TG: variants seen among roughly 807,000 people sequenced by gnomAD.
TG encodes the protein thyroid hormones.
A neutral mutation model predicts 324.7 loss-of-function variants in TG; 270 were observed. The ratio of observed to expected loss-of-function variants is 0.83; its 90% CI spans 0.75 to 0.92. The LOEUF is 0.92. Ranked by LOEUF, TG falls within the 40% of genes least tolerant of loss-of-function variation. The pLI is 0.00. For synonymous variants in TG, 1,401 were observed against 1,327.0 expected, an observed-to-expected ratio of 1.06 and a Z score of -1.21; for missense variants, 3,591 against 3,456.4, an observed-to-expected ratio of 1.04 and a Z score of -0.98.
At chr8:132,878,926 G>A (rs530700235) in intron 5 of TG, among the ~76,000 whole-genome samples, 7 of 152,300 alleles carry the variant, frequency 4.6e-5, no homozygotes, top group African/African-American at 1.7e-4. Flanking sequence ...TAGGGATGGA[G>A]CCTGACTCTC....
chr8:133,107,515 C>T (rs971085168), intron 43 of TG, among the ~76,000 whole-genome samples: 6 of 152,220 alleles, frequency 3.9e-5, no homozygotes, highest in Admixed American at 3.9e-4. Context: ...GGCCCCCACT[C>T]CCGCCTGCTG....
At position 132,948,790 on chromosome 8, in the gene TG, G is replaced by C; in HGVS notation, c.5248G>C (p.Gly1750Arg). The C allele has an allele frequency of 6.2e-7, 1 of 1,613,822 alleles. No individual in the cohort carries two copies. The highest frequency in any genetic ancestry group is 8.5e-7 in the Non-Finnish European group (1 of 1,180,024). Residue 1750 changes from glycine (G) to arginine (R), a missense_variant, in exon 27 of 48, where the codon GGG becomes CGG. Coordinates refer to ENST00000220616, the MANE Select transcript of TG (RefSeq NM_003235.5). ...GTGATTCTCAGGTGCCATCATCTGT[G>C]GGTTGCTGAGCTCACCCAGTGTCCT... ...TQVQGGAIIC[G>R]LLSSPSVLLC...
intron 45 of TG, among the ~76,000 whole-genome samples, chr8:133,119,122 T>G (rs1390790425): frequency 6.6e-6 from 1 of 152,150 alleles, no homozygotes; most frequent in African/African-American, 2.4e-5. Context: ...TCTTCAGAAC[T>G]ATGAGAGAAA....
chr8:133,128,903 G>A (rs949059363), intron 45 of TG, among the ~76,000 whole-genome samples: 9 of 152,204 alleles, frequency 5.9e-5, no homozygotes, highest in South Asian at 2.1e-4. Flanking sequence ...ATGAGCACAC[G>A]TGAACTGCCT....
intron 35 of TG, among the ~76,000 whole-genome samples, chr8:132,993,317 G>A (rs1772150680): frequency 6.6e-6 from 1 of 152,172 alleles, no homozygotes; most frequent in Non-Finnish European, 1.5e-5. Context: ...AGCCACATGG[G>A]ATATGAGTTT....
chr8:132,885,205 T>A (rs190556522), intron 8 of TG, among the ~76,000 whole-genome samples: 26 of 152,044 alleles, frequency 1.7e-4, no homozygotes, highest in African/African-American at 6.0e-4. Context: ...TACATCCACC[T>A]ATGTAACTGA....
Position 132,868,123 on chromosome 8 carries a change from G to A in TG, c.76G>A (p.Val26Met), listed in dbSNP as rs779477989. The change falls in exon 2 of 48, where the codon GTG (valine) becomes ATG (methionine). Residue 26 changes from valine (V) to methionine (M), a missense_variant. By Grantham distance (21) the Val-to-Met change is conservative. Transcript: ENST00000220616. ...WVSANIFEYQVDAQPLRPCEL... is the reference protein window; with the variant it reads ...WVSANIFEYQMDAQPLRPCEL... ...CACTTTTCTTTTCCTAGAGTACCAGGTGGATGCCCAGCCCCTTCGTCCCTG... is the reference window on the plus strand; with the variant it reads ...CACTTTTCTTTTCCTAGAGTACCAGATGGATGCCCAGCCCCTTCGTCCCTG... 2 of 1,614,132 alleles carry A rather than the reference G, an allele frequency of 1.2e-6. No individual in the cohort carries two copies. The highest frequency in any genetic ancestry group is 2.2e-5 in the East Asian group (1 of 44,882).
chr8:133,055,365 GCACA>G (rs869172140), intron 41 of TG, among the ~76,000 whole-genome samples: 138 of 62,264 alleles, frequency 2.2e-3, no homozygotes, highest in African/African-American at 9.0e-3. Flanking sequence ...ACGCACGCGC[GCACA>G]CACACACACA....
At chr8:132,924,272 C>T (rs1304289098) in intron 22 of TG, among the ~76,000 whole-genome samples, 2 of 152,092 alleles carry the variant, frequency 1.3e-5, no homozygotes, top group Non-Finnish European at 2.9e-5. Context: ...TGACAGGAGG[C>T]GGAGCTCAGG....
At chr8:133,130,539 T>A (rs1851860205) in intron 45 of TG, among the ~76,000 whole-genome samples, 2 of 152,272 alleles carry the variant, frequency 1.3e-5, no homozygotes, top group South Asian at 4.1e-4. Context: ...CTCTAGTGAC[T>A]GGGAATGGCC....
chr8:133,134,472 C>T (rs774329223), intron 47 of TG, among the ~76,000 whole-genome samples: 4 of 152,202 alleles, frequency 2.6e-5, no homozygotes, highest in Non-Finnish European at 2.9e-5. Context: ...CTGCTGACAA[C>T]AAATCCAAGT....
intron 41 of TG, among the ~76,000 whole-genome samples, chr8:133,069,863 G>A (rs531899246): frequency 2.0e-5 from 3 of 151,860 alleles, no homozygotes; most frequent in South Asian, 4.2e-4. Context: ...TCAGCTGGGC[G>A]TGGTGGCAGG....
intron 41 of TG, among the ~76,000 whole-genome samples, chr8:133,041,317 A>C (rs1424857482): frequency 6.6e-6 from 1 of 152,188 alleles, no homozygotes; most frequent in African/African-American, 2.4e-5. Flanking sequence ...CCAAAGAACA[A>C]AAGGAATTTG....
intron 6 of TG, 87 bp from the exon 7 acceptor site, chr8:132,882,382 G>A (rs879106120): frequency 6.7e-7 from 1 of 1,481,854 alleles, no homozygotes; most frequent in Admixed American, 1.7e-5. Flanking sequence ...GGTGAAGGCT[G>A]TCTCTCTCAG....
Position 132,882,643 on chromosome 8 carries a change from T to C in TG, c.889+31T>C, listed in dbSNP as rs762489300. ...TAATAAACTGCCAACAATGTGCGTG[T>C]TTCCATTAGGGGGACGCCTCTTGGG... On this transcript the variant is annotated intron_variant, in intron 7 of 47. Transcript: ENST00000220616. 5 of 1,614,228 alleles carry C rather than the reference T, an allele frequency of 3.1e-6. No individual in the cohort carries two copies. The South Asian group carries it at 4.4e-5, about 14-fold the overall frequency.
chr8:133,133,640 C>G lies in TG; in HGVS notation c.8168C>G (p.Ser2723Trp). 3 of 1,614,042 alleles carry G rather than the reference C, an allele frequency of 1.9e-6. No homozygotes were observed. The highest frequency in any genetic ancestry group is 1.7e-6 in the Non-Finnish European group (2 of 1,179,958). ...ADCSFWSKYI[S>W]SLKTSADGAK... Reference sequence around the variant, plus strand: ...TGCTCCTTCTGGTCCAAGTACATCTCGTCTCTGAAGACATCTGCAGGTAGC... The same window carrying G: ...TGCTCCTTCTGGTCCAAGTACATCTGGTCTCTGAAGACATCTGCAGGTAGC... The change falls in exon 47 of 48, where the codon TCG becomes TGG. Residue 2723 changes from serine to tryptophan, a missense_variant. Ser to Trp is a radical substitution (Grantham distance 177, BLOSUM62 -3). Coordinates refer to ENST00000220616, the MANE Select transcript of TG (RefSeq NM_003235.5).
chr8:132,898,979 T>A, intron 14 of TG, 69 bp downstream of exon 14: 3 of 1,339,512 alleles, frequency 2.2e-6, no homozygotes, highest in Non-Finnish European at 3.2e-6. Context: ...TTTTTCTTTT[T>A]GTTCAATACG....
intron 41 of TG, among the ~76,000 whole-genome samples, chr8:133,077,298 T>C (rs1698724092): frequency 6.6e-6 from 1 of 151,750 alleles, no homozygotes; most frequent in African/African-American, 2.4e-5. Context: ...GTTCAAGGGG[T>C]CCCGTTCACA....
At chr8:133,038,783 G>A (rs111686161) in intron 41 of TG, 1 of 1,355,220 alleles carries the variant, frequency 7.4e-7, no homozygotes, top group Non-Finnish European at 1.0e-6. Flanking sequence ...AAAAAAGAGA[G>A]TCATAGAGAG....
Sources: gnomAD v4.1 joint callset for allele counts (sites outside exome capture counted in the v4.1 genomes callset) on GRCh38, gnomAD v4.1.1 for gene constraint, MANE v1.5 for transcripts, NCBI Gene and HGNC (gene_info 2026-07-23, HGNC 2026-07-21) for gene names.